RAB8B: variants seen among roughly 807,000 people sequenced by gnomAD.
RAB8B encodes RAB8B, member RAS oncogene family.
Under a neutral mutation model 32.0 loss-of-function variants are expected in RAB8B, and 11 were observed. The observed-to-expected ratio is 0.34, with a 90% CI of 0.22 to 0.57. The LOEUF (loss-of-function observed/expected upper bound fraction) is 0.57, where lower values mean the gene tolerates loss of function less well. RAB8B is among the 20% of genes least tolerant of loss of function. The pLI, the probability that RAB8B is intolerant of heterozygous loss-of-function variation, is 0.86. For synonymous variants in RAB8B, 103 were observed against 89.6 expected, an observed-to-expected ratio of 1.15 and a Z score of -0.85; for missense variants, 190 against 258.5, an observed-to-expected ratio of 0.73 and a Z score of 1.82.
chr15:63,198,465 T>C (rs2037621519), intron 1 of RAB8B, among the ~76,000 whole-genome samples: 1 of 152,014 alleles, frequency 6.6e-6, no homozygotes, highest in South Asian at 2.1e-4. Context: ...GCCTGGATAA[T>C]GGTGGTACTT....
At chr15:63,193,628 G>A (rs1480297656) in intron 1 of RAB8B, among the ~76,000 whole-genome samples, 5 of 152,058 alleles carry the variant, frequency 3.3e-5, no homozygotes, top group Non-Finnish European at 2.9e-5. Flanking sequence ...CGGCTAATAC[G>A]GTGAACCCCG....
chr15:63,262,623 G>GTA (rs921853146), intron 6 of RAB8B, 69 bp from the exon 7 acceptor site: 2,583 of 179,532 alleles, frequency 0.014, 14 homozygotes, highest in African/African-American at 0.023. Flanking sequence ...ATATATATAT[G>GTA]TGTATATATA....
chr15:63,233,312 C>T (rs567000828), intron 1 of RAB8B, among the ~76,000 whole-genome samples: 2 of 152,158 alleles, frequency 1.3e-5, no homozygotes, highest in African/African-American at 4.8e-5. Context: ...GATCCTCCCA[C>T]CTCAGCCTCC....
Position 63,244,834 on chromosome 15 carries a change from C to CA in RAB8B, c.185+19dup. On this transcript the variant is annotated intron_variant, in intron 2 of 7. Coordinates refer to ENST00000321437, the MANE Select transcript of RAB8B (RefSeq NM_016530.3). ...CAGATATGGTAAGTAAACACACACA[C>CA]AGAGTTTCTGCTTTAATTGGGAATT... The CA allele has an allele frequency of 6.5e-7, 1 of 1,546,342 alleles. No homozygotes were observed. Among genetic ancestry groups the CA allele is most frequent in the Non-Finnish European group, 8.9e-7 (1 of 1,128,866 alleles).
chr15:63,242,898 T>C (rs1363567599), intron 1 of RAB8B, among the ~76,000 whole-genome samples: 1 of 152,164 alleles, frequency 6.6e-6, no homozygotes, highest in Admixed American at 6.5e-5. Context: ...TTAGGAATGA[T>C]TCAAGCACAT....
intron 3 of RAB8B, among the ~76,000 whole-genome samples, chr15:63,251,553 A>G (rs2038116748): frequency 6.6e-6 from 1 of 152,204 alleles, no homozygotes; most frequent in South Asian, 2.1e-4. Flanking sequence ...ATTAAATAAT[A>G]CATTTAGATT....
chr15:63,216,517 C>G (rs563841487), intron 1 of RAB8B, among the ~76,000 whole-genome samples: 1 of 151,702 alleles, frequency 6.6e-6, no homozygotes, highest in East Asian at 2.0e-4. Flanking sequence ...GCGTGAGCCA[C>G]TGTGCCTGGC....
chr15:63,194,630 G>A (rs377141317), intron 1 of RAB8B, among the ~76,000 whole-genome samples: 3 of 152,122 alleles, frequency 2.0e-5, no homozygotes, highest in African/African-American at 7.2e-5. Flanking sequence ...ATTAATGGGG[G>A]TATGTTAGTA....
intron 3 of RAB8B, among the ~76,000 whole-genome samples, chr15:63,251,582 AC>A (rs1156854326): frequency 6.6e-6 from 1 of 152,194 alleles, no homozygotes; most frequent in Non-Finnish European, 1.5e-5. Context: ...GTCTTAATTT[AC>A]TTACTGCCTA....
At chr15:63,201,283 G>C (rs2141109557) in intron 1 of RAB8B, among the ~76,000 whole-genome samples, 1 of 152,334 alleles carries the variant, frequency 6.6e-6, no homozygotes, top group South Asian at 2.1e-4. Flanking sequence ...GTGTGCAGAG[G>C]AGAGGTCGAG....
chr15:63,253,558 C>G (rs1266717757), intron 3 of RAB8B, among the ~76,000 whole-genome samples: 4 of 151,760 alleles, frequency 2.6e-5, no homozygotes, highest in Non-Finnish European at 5.9e-5. Flanking sequence ...GGCTCATGCC[C>G]GTAATCTCAG....
intron 1 of RAB8B, among the ~76,000 whole-genome samples, chr15:63,239,227 A>C (rs1567017564): frequency 6.6e-6 from 1 of 152,074 alleles, no homozygotes; most frequent in Admixed American, 6.6e-5. Context: ...TTTACAGCTA[A>C]TTATTCTTTT....
At position 63,229,425 on chromosome 15, in the gene RAB8B, T is replaced by C. The variant is rs116646330; in HGVS notation, c.125-15331T>C. Among the ~76,000 whole-genome samples the C allele has an allele frequency of 2.4e-3, 369 of 152,246 alleles. 3 individuals are homozygous for C. Among genetic ancestry groups the C allele is most frequent in the African/African-American group, 7.6e-3 (314 of 41,538 alleles). On this transcript the variant is annotated intron_variant, in intron 1 of 7. Transcript: ENST00000321437. Reference sequence around the variant, plus strand: ...CCTGTTTAAAAAGCATCTTGTAACTTTGAAAAATATTCCTGAGGAAGATAG... The same window carrying C: ...CCTGTTTAAAAAGCATCTTGTAACTCTGAAAAATATTCCTGAGGAAGATAG...
intron 1 of RAB8B, among the ~76,000 whole-genome samples, chr15:63,243,534 G>T (rs905953890): frequency 3.2e-4 from 48 of 152,144 alleles, no homozygotes; most frequent in Non-Finnish European, 1.0e-4. Context: ...AAATACGTGA[G>T]GGAAGGGTTG....
intron 1 of RAB8B, among the ~76,000 whole-genome samples, chr15:63,205,205 C>A (rs1386397018): frequency 5.3e-5 from 8 of 152,124 alleles, no homozygotes; most frequent in Admixed American, 5.2e-4. Context: ...GAGGCTGAGG[C>A]GGGAGAATCG....
At chr15:63,239,695 A>G (rs2038015992) in intron 1 of RAB8B, among the ~76,000 whole-genome samples, 1 of 152,162 alleles carries the variant, frequency 6.6e-6, no homozygotes, top group Non-Finnish European at 1.5e-5. Flanking sequence ...GGCGTGAGCC[A>G]CCGCACCTGG....
intron 5 of RAB8B, 88 bp downstream of exon 5, chr15:63,256,682 A>T (rs980346815): frequency 9.8e-5 from 99 of 1,006,896 alleles, no homozygotes; most frequent in East Asian, 3.1e-4. Context: ...GATTTTTTTT[A>T]AAATCTGTGT....
At chr15:63,216,627 C>T (rs185326831) in intron 1 of RAB8B, among the ~76,000 whole-genome samples, 1,688 of 151,670 alleles carry the variant, frequency 0.011, 14 homozygotes, top group Non-Finnish European at 0.018. Context: ...CTTTGGGAGG[C>T]CAAGGCGGGC....
chr15:63,217,292 G>T (rs1006091191), intron 1 of RAB8B, among the ~76,000 whole-genome samples: 1 of 152,172 alleles, frequency 6.6e-6, no homozygotes, highest in African/African-American at 2.4e-5. Context: ...TTGTGTAAAA[G>T]ATGCAAAAAT....
Sources: gnomAD v4.1 joint callset for allele counts (sites outside exome capture counted in the v4.1 genomes callset) on GRCh38, gnomAD v4.1.1 for gene constraint, MANE v1.5 for transcripts, NCBI Gene and HGNC (gene_info 2026-07-23, HGNC 2026-07-21) for gene names.